Variants in MB21D2 observed in about 807,000 individuals in gnomAD.
MB21D2 encodes the protein nucleotidyltransferase MB21D2.
In MB21D2, 9 loss-of-function variants were observed where a neutral mutation model predicts 33.3. That is an observed-to-expected ratio of 0.27 (90% confidence interval 0.16 to 0.47). The LOEUF (loss-of-function observed/expected upper bound fraction) is 0.47. MB21D2 is among the 20% of genes least tolerant of loss of function. The pLI, the probability that MB21D2 is intolerant of heterozygous loss-of-function variation, is 0.99. For missense variants in MB21D2, 540 were observed against 624.6 expected (o/e 0.86, Z 1.44); for synonymous variants, 241 against 236.3 (o/e 1.02, Z -0.18).
chr3:192,881,024 T>C (rs7647350), intron 1 of MB21D2, among the ~76,000 whole-genome samples: 4,789 of 152,132 alleles, frequency 0.031, 267 homozygotes, highest in African/African-American at 0.1. Context: ...TATAGATGTA[T>C]GTATTTATAT....
chr3:192,912,813 G>GA (rs1288081634), intron 1 of MB21D2, among the ~76,000 whole-genome samples: 1 of 152,218 alleles, frequency 6.6e-6, no homozygotes, highest in Non-Finnish European at 1.5e-5. Context: ...TCTGAGTCAG[G>GA]AATAACTGGA....
chr3:192,816,656 C>T (rs910284136), intron 1 of MB21D2, among the ~76,000 whole-genome samples: 5 of 152,136 alleles, frequency 3.3e-5, no homozygotes, highest in South Asian at 2.1e-4. Flanking sequence ...TCTACTGTCA[C>T]GATGGGATGT....
chr3:192,883,064 C>A (rs1417619587), intron 1 of MB21D2, among the ~76,000 whole-genome samples: 1 of 151,454 alleles, frequency 6.6e-6, no homozygotes, highest in Non-Finnish European at 1.5e-5. Flanking sequence ...GATGGGGTTT[C>A]ACCATGTAGG....
chr3:192,900,940 CA>C (rs5855467), intron 1 of MB21D2, among the ~76,000 whole-genome samples: 30 of 140,620 alleles, frequency 2.1e-4, no homozygotes, highest in Middle Eastern at 3.7e-3. Context: ...GACTCTGTCT[CA>C]AAAAAAAAAA....
At chr3:192,910,879 C>T (rs182360528) in intron 1 of MB21D2, among the ~76,000 whole-genome samples, 31 of 152,276 alleles carry the variant, frequency 2.0e-4, no homozygotes, top group Non-Finnish European at 3.4e-4. Flanking sequence ...CCACATAGTA[C>T]AAAACAGAGC....
chr3:192,880,706 C>A (rs2108642513), intron 1 of MB21D2, among the ~76,000 whole-genome samples: 1 of 152,266 alleles, frequency 6.6e-6, no homozygotes, highest in East Asian at 1.9e-4. Context: ...AAGCCCTCCC[C>A]CAGAGGGAGC....
At chr3:192,901,341 G>A (rs960539863) in intron 1 of MB21D2, among the ~76,000 whole-genome samples, 6 of 148,874 alleles carry the variant, frequency 4.0e-5, no homozygotes, top group South Asian at 4.2e-4. Flanking sequence ...AGGCCGAGGC[G>A]GGCAGATCAC....
chr3:192,908,254 TAGTG>T (rs769263191), intron 1 of MB21D2, among the ~76,000 whole-genome samples: 1 of 152,080 alleles, frequency 6.6e-6, no homozygotes, highest in Non-Finnish European at 1.5e-5. Context: ...ACATCACACT[TAGTG>T]AGCACCTACT....
At chr3:192,868,480 A>G (rs1166437711) in intron 1 of MB21D2, among the ~76,000 whole-genome samples, 1 of 152,150 alleles carries the variant, frequency 6.6e-6, no homozygotes, top group African/African-American at 2.4e-5. Flanking sequence ...CAGTTAATAA[A>G]TTAATATTTT....
intron 1 of MB21D2, among the ~76,000 whole-genome samples, chr3:192,844,732 A>G (rs533019745): frequency 6.6e-6 from 1 of 152,242 alleles, no homozygotes; most frequent in East Asian, 1.9e-4. Flanking sequence ...ACCCTTTCCC[A>G]TCAACCTGAC....
chr3:192,823,465 C>T (rs1436231481), intron 1 of MB21D2, among the ~76,000 whole-genome samples: 4 of 152,178 alleles, frequency 2.6e-5, no homozygotes, highest in East Asian at 3.9e-4. Flanking sequence ...ACCAGCCTGA[C>T]CAACACGGAG....
intron 1 of MB21D2, among the ~76,000 whole-genome samples, chr3:192,823,518 G>A (rs544273979): frequency 1.3e-5 from 2 of 152,250 alleles, no homozygotes; most frequent in South Asian, 4.1e-4. Flanking sequence ...AGCCGGGTGT[G>A]GTGGCGCATG....
At chr3:192,891,792 A>G (rs570705175) in intron 1 of MB21D2, among the ~76,000 whole-genome samples, 163 of 152,232 alleles carry the variant, frequency 1.1e-3, no homozygotes, top group Non-Finnish European at 1.8e-3. Context: ...GCTTCAATAA[A>G]TGTCAGCTGT....
chr3:192,883,553 A>C (rs1363481165), intron 1 of MB21D2, among the ~76,000 whole-genome samples: 1 of 152,152 alleles, frequency 6.6e-6, no homozygotes, highest in Non-Finnish European at 1.5e-5. Context: ...GTTTATTGCC[A>C]GGAATATAAA....
intron 1 of MB21D2, among the ~76,000 whole-genome samples, chr3:192,854,718 G>A (rs1015420200): frequency 3.3e-5 from 5 of 152,194 alleles, no homozygotes; most frequent in African/African-American, 9.7e-5. Context: ...AATGCAGCTG[G>A]TGACTTTAAA....
At chr3:192,823,009 CAT>C (rs1712093781) in intron 1 of MB21D2, among the ~76,000 whole-genome samples, 1 of 152,174 alleles carries the variant, frequency 6.6e-6, no homozygotes, top group African/African-American at 2.4e-5. Context: ...ATTCAATCTC[CAT>C]AGTTTCTACT....
In MB21D2 at chr3:192,798,565, T is replaced by C. The variant is rs761038256; in HGVS notation, c.1297A>G (p.Ser433Gly). ...TGTGGAGAGGGGATGCTGGTGGTGC[T>C]ACCTCGCCTCTGGAGCTCCAGTGTC... ...RLTLELQRRGSTTSIPSPQSD... is the reference protein window; with the variant it reads ...RLTLELQRRGGTTSIPSPQSD... The change falls in exon 2 of 2, where the codon AGC (serine) becomes GGC (glycine). Residue 433 changes from serine (S) to glycine (G), a missense_variant. Physicochemically the swap from Ser to Gly is moderately conservative, Grantham distance 56. Coordinates refer to ENST00000392452, the MANE Select transcript of MB21D2 (RefSeq NM_178496.4). This position sits in a 1 kb window ranked among gnomAD's most constrained non-coding sequence, Gnocchi z 4.8. 3 of 1,614,168 alleles carry C rather than the reference T, an allele frequency of 1.9e-6. No individual in the cohort carries two copies. Among genetic ancestry groups the C allele is most frequent in the South Asian group, 2.2e-5 (2 of 91,086 alleles).
intron 1 of MB21D2, among the ~76,000 whole-genome samples, chr3:192,851,454 T>C (rs189433241): frequency 1.6e-4 from 24 of 151,392 alleles, no homozygotes; most frequent in Non-Finnish European, 2.1e-4. Flanking sequence ...TTTGTACATA[T>C]AGTAAAACCA....
chr3:192,909,929 T>A (rs1168632663), intron 1 of MB21D2, among the ~76,000 whole-genome samples: 1 of 87,752 alleles, frequency 1.1e-5, no homozygotes, highest in African/African-American at 4.9e-5. Flanking sequence ...AGAGCAAGAC[T>A]CTGTCTCAAA....
Sources: allele counts gnomAD v4.1 joint callset (sites outside exome capture counted in the v4.1 genomes callset), GRCh38; gene constraint gnomAD v4.1.1; non-coding constraint Gnocchi (gnomAD v3.1); transcripts MANE v1.5; gene names NCBI Gene and HGNC (gene_info 2026-07-23, HGNC 2026-07-21).